The following ASCC3 variants were observed in gnomAD, a reference collection of about 807,000 sequenced individuals.
ASCC3 encodes activating signal cointegrator 1 complex subunit 3.
ASCC3 carries 158 observed loss-of-function variants against 256.3 expected under a neutral mutation model. That is an observed-to-expected ratio of 0.62 (90% CI 0.54 to 0.70). The LOEUF is 0.70. ASCC3 is among the 30% of genes least tolerant of loss of function. The probability of loss-of-function intolerance (pLI) is 0.00; values close to 1 mark genes in which losing one functional copy is unlikely to be tolerated. For synonymous variants in ASCC3, 948 were observed against 883.4 expected, an observed-to-expected ratio of 1.07 and a Z score of -1.30; for missense variants, 2,259 against 2,626.0, an observed-to-expected ratio of 0.86 and a Z score of 3.05.
At chr6:100,520,200 G>C (rs1774232819) in intron 37 of ASCC3, among the ~76,000 whole-genome samples, 1 of 152,024 alleles carries the variant, frequency 6.6e-6, no homozygotes, top group Non-Finnish European at 1.5e-5. Flanking sequence ...TTGTAAGAAG[G>C]TAAAAGTGAT....
chr6:100,773,555 G>A (rs553768073), intron 8 of ASCC3, among the ~76,000 whole-genome samples: 10 of 152,194 alleles, frequency 6.6e-5, no homozygotes, highest in East Asian at 1.9e-4. Flanking sequence ...AGGAACTACC[G>A]TAGCTTCTCT....
chr6:100,846,793 C>A (rs1013419862), intron 4 of ASCC3, among the ~76,000 whole-genome samples: 1 of 152,172 alleles, frequency 6.6e-6, no homozygotes, highest in African/African-American at 2.4e-5. Flanking sequence ...ACTAACACCT[C>A]TATAAAATCT....
At chr6:100,774,692 A>G (rs11155659) in intron 8 of ASCC3, among the ~76,000 whole-genome samples, 70,999 of 151,776 alleles carry the variant, frequency 0.47, 16,764 homozygotes, top group South Asian at 0.6. Context: ...AGTAGAGACA[A>G]GGTCTTGCTG....
At chr6:100,534,945 A>G (rs1775089200) in intron 37 of ASCC3, among the ~76,000 whole-genome samples, 1 of 152,244 alleles carries the variant, frequency 6.6e-6, no homozygotes, top group African/African-American at 2.4e-5. Context: ...TAAAGGGAAT[A>G]GTTAAATTAC....
At chr6:100,576,876 T>A in intron 36 of ASCC3, among the ~76,000 whole-genome samples, 1 of 148,594 alleles carries the variant, frequency 6.7e-6, no homozygotes, top group Admixed American at 6.7e-5. Context: ...GAAGAATAAA[T>A]AAAAATAGCA....
chr6:100,720,082 C>T (rs1465855107), intron 11 of ASCC3, among the ~76,000 whole-genome samples: 1 of 151,824 alleles, frequency 6.6e-6, no homozygotes, highest in Admixed American at 6.6e-5. Context: ...GTGCCATCTA[C>T]TGGGAACATT....
At chr6:100,711,544 T>C (rs1001649833) in intron 13 of ASCC3, among the ~76,000 whole-genome samples, 4 of 152,054 alleles carry the variant, frequency 2.6e-5, no homozygotes, top group Non-Finnish European at 5.9e-5. Context: ...CTGACCAACA[T>C]GGTGAAACCC....
intron 8 of ASCC3, among the ~76,000 whole-genome samples, chr6:100,772,070 A>G (rs1320636431): frequency 6.6e-6 from 1 of 151,918 alleles, no homozygotes; most frequent in Non-Finnish European, 1.5e-5. Flanking sequence ...TTTAGTAGGC[A>G]TAGGGTTTCA....
intron 1 of ASCC3, among the ~76,000 whole-genome samples, chr6:100,870,596 A>T (rs1773695204): frequency 6.6e-6 from 1 of 152,158 alleles, no homozygotes; most frequent in African/African-American, 2.4e-5. Flanking sequence ...TCAGTAAAGA[A>T]CTGGTATGAG....
chr6:100,663,838 AC>A (rs1776342861), intron 14 of ASCC3, among the ~76,000 whole-genome samples: 1 of 152,134 alleles, frequency 6.6e-6, no homozygotes, highest in African/African-American at 2.4e-5. Flanking sequence ...TGGGTGGAAG[AC>A]ACGAAAACAA....
At position 100,607,216 on chromosome 6, in the gene ASCC3, T is replaced by C; in HGVS notation, c.4786-128A>G. The C allele has an allele frequency of 4.2e-6, 4 of 956,054 alleles. No homozygotes were observed. The South Asian group carries it at 4.6e-5, about 11-fold the overall frequency. The allele number at this position is 956,054 out of a possible 1,614,324, so 59.2% of individuals were successfully genotyped here. On this transcript the variant is annotated intron_variant, in intron 30 of 41. Coordinates refer to ENST00000369162, the MANE Select transcript of ASCC3 (RefSeq NM_006828.4). Reference sequence around the variant, plus strand: ...ATGGACATAAAATATAAGTCCTATATACAGTTATGATTAAAGTTCAACTAA... The same window carrying C: ...ATGGACATAAAATATAAGTCCTATACACAGTTATGATTAAAGTTCAACTAA...
At chr6:100,763,822 C>T (rs1179795903) in intron 10 of ASCC3, among the ~76,000 whole-genome samples, 1 of 152,142 alleles carries the variant, frequency 6.6e-6, no homozygotes, top group East Asian at 1.9e-4. Context: ...CTCTCATTGG[C>T]AGGGCTGCAC....
In ASCC3 at chr6:100,517,168, T is replaced by C. The variant is rs72947399; in HGVS notation, c.5927+823A>G. Among the ~76,000 whole-genome samples the C allele has an allele frequency of 8.1e-4, 124 of 152,166 alleles. 1 individual carries two copies. Among genetic ancestry groups the C allele is most frequent in the South Asian group, 4.8e-3 (23 of 4,816 alleles). ...GAGACAACTGCCCTGGAACCCAATA[T>C]ATTTAAGTCAAATTGAGGGACTTTC... On this transcript the variant is annotated intron_variant, in intron 38 of 41. Transcript: ENST00000369162.
chr6:100,663,665 T>A (rs184601609), intron 14 of ASCC3, among the ~76,000 whole-genome samples: 1 of 152,220 alleles, frequency 6.6e-6, no homozygotes, highest in Admixed American at 6.6e-5. Flanking sequence ...AACGAAATTG[T>A]ATGCTGAGGT....
rs61705233 is a variant in ASCC3, at chr6:100,873,477, T to C, written c.-41-5439A>G. ...TTGGGGGAATAATCTAAGAAAACTC[T>C]CCCAGCCTTGCTAGAGACCTAGACA... On this transcript the variant is annotated intron_variant, in intron 1 of 41. Transcript: ENST00000369162. Among the ~76,000 whole-genome samples the C allele has an allele frequency of 3.5e-3, 533 of 152,258 alleles. 3 individuals are homozygous for C. The highest frequency in any genetic ancestry group is 0.012 in the African/African-American group (513 of 41,550).
At chr6:100,847,934 T>TA in intron 4 of ASCC3, 1 of 430,202 alleles carries the variant, frequency 2.3e-6, no homozygotes, top group East Asian at 3.6e-5. Flanking sequence ...ATTGTCTGCT[T>TA]ACTCCTCTGC....
intron 11 of ASCC3, among the ~76,000 whole-genome samples, chr6:100,723,912 A>G (rs1779489040): frequency 7.0e-6 from 1 of 142,574 alleles, no homozygotes; most frequent in Admixed American, 7.3e-5. Context: ...AATTATATAT[A>G]TGACACATAT....
intron 11 of ASCC3, among the ~76,000 whole-genome samples, chr6:100,720,812 C>T (rs942212715): frequency 6.7e-6 from 1 of 148,306 alleles, no homozygotes; most frequent in Non-Finnish European, 1.5e-5. Context: ...AATTATTATA[C>T]ATATATAATA....
At chr6:100,611,351 A>G (rs1287929694) in intron 30 of ASCC3, among the ~76,000 whole-genome samples, 1 of 152,138 alleles carries the variant, frequency 6.6e-6, no homozygotes, top group Non-Finnish European at 1.5e-5. Flanking sequence ...AAATACTACT[A>G]GGACGGCCTA....
Sources: gnomAD v4.1 joint callset for allele counts (sites outside exome capture counted in the v4.1 genomes callset) on GRCh38, gnomAD v4.1.1 for gene constraint, MANE v1.5 for transcripts, NCBI Gene and HGNC (gene_info 2026-07-23, HGNC 2026-07-21) for gene names.